The following TOLLIP variants were observed in gnomAD, a reference collection of about 807,000 sequenced individuals.
TOLLIP encodes the protein toll interacting protein.
A neutral mutation model predicts 33.5 loss-of-function variants in TOLLIP; 16 were observed. That is an observed-to-expected ratio of 0.48 (90% confidence interval 0.32 to 0.72). The LOEUF is 0.72. Among genes scored for constraint, TOLLIP ranks in the 30% least tolerant of loss-of-function variants. The probability of loss-of-function intolerance (pLI) is 0.03; values close to 1 mark genes in which losing one functional copy is unlikely to be tolerated. For missense variants in TOLLIP, 325 were observed against 396.6 expected, an observed-to-expected ratio of 0.82 and a Z score of 1.53; for synonymous variants, 176 against 163.7, an observed-to-expected ratio of 1.07 and a Z score of -0.57.
At chr11:1,283,401 G>T (rs1457930609) in intron 5 of TOLLIP, 1 of 373,230 alleles carries the variant, frequency 2.7e-6, no homozygotes, top group African/African-American at 2.1e-5. Flanking sequence ...GCCCCAACGC[G>T]TCAGTGTCAG....
chr11:1,302,085 G>A (rs1392536135), intron 1 of TOLLIP, among the ~76,000 whole-genome samples: 2 of 152,238 alleles, frequency 1.3e-5, no homozygotes, highest in East Asian at 3.8e-4. Flanking sequence ...CCTGCAAGGG[G>A]CCTGCTCCAG....
chr11:1,292,263 T>A (rs1263356189), intron 2 of TOLLIP: 1 of 152,234 alleles, frequency 6.6e-6, no homozygotes, highest in Non-Finnish European at 1.5e-5. Context: ...CTGGAGAGTA[T>A]GTAGCAGGAA....
At chr11:1,295,515 T>G (rs1265277965) in intron 2 of TOLLIP, 130 bp downstream of exon 2, 6 of 1,201,094 alleles carry the variant, frequency 5.0e-6, no homozygotes, top group Admixed American at 2.3e-5. Context: ...TCACACAGGT[T>G]TCAGGAAAAG....
chr11:1,299,827 C>T (rs2133925146), intron 1 of TOLLIP, among the ~76,000 whole-genome samples: 1 of 152,358 alleles, frequency 6.6e-6, no homozygotes. Flanking sequence ...GTCAAAACGC[C>T]CCGTCCACCA....
chr11:1,288,541 C>T (rs1351831565), intron 4 of TOLLIP, 83 bp downstream of exon 4: 97 of 1,476,596 alleles, frequency 6.6e-5, no homozygotes, highest in Non-Finnish European at 8.5e-5. Flanking sequence ...AGGAAAGAGA[C>T]AAGGGTGTCT....
In TOLLIP at chr11:1,293,742, T is replaced by C. The variant is rs565136476; in HGVS notation, c.183+1903A>G. 2.0e-5 allele frequency among the ~76,000 whole-genome samples: 3 copies of C among 152,356 alleles called. No individual in the cohort carries two copies. The South Asian group carries it at 6.2e-4, about 32-fold the overall frequency. ...TCCAAGGCCCAGCCAGCTCTGGAGC[T>C]TGAACTGTGTGAGGTGGAGTGCCCT... On this transcript the variant is annotated intron_variant, in intron 2 of 5. Coordinates refer to ENST00000317204, the MANE Select transcript of TOLLIP (RefSeq NM_019009.4).
chr11:1,295,613 C>G, intron 2 of TOLLIP, 32 bp downstream of exon 2: 1 of 1,508,080 alleles, frequency 6.6e-7, no homozygotes, highest in Non-Finnish European at 8.9e-7. Context: ...CGCACCAGCC[C>G]CAGGCAGGCA....
chr11:1,302,203 T>C (rs1864300110), intron 1 of TOLLIP, among the ~76,000 whole-genome samples: 1 of 152,210 alleles, frequency 6.6e-6, no homozygotes, highest in African/African-American at 2.4e-5. Context: ...ACCTGTGTGA[T>C]TCACATCCAG....
chr11:1,287,212 G>A (rs1418783259), intron 4 of TOLLIP, among the ~76,000 whole-genome samples: 2 of 152,226 alleles, frequency 1.3e-5, no homozygotes, highest in Admixed American at 6.5e-5. Context: ...ACTGTCAACT[G>A]CAGGTAAAAT....
At chr11:1,308,490 T>C (rs1452176870) in intron 1 of TOLLIP, among the ~76,000 whole-genome samples, 2 of 152,306 alleles carry the variant, frequency 1.3e-5, no homozygotes, top group Non-Finnish European at 1.5e-5. Context: ...TTACCCAGTC[T>C]CGGTATTCCT....
intron 4 of TOLLIP, among the ~76,000 whole-genome samples, chr11:1,287,014 GCGGA>G (rs1863728680): frequency 6.6e-6 from 1 of 152,116 alleles, no homozygotes; most frequent in Non-Finnish European, 1.5e-5. Flanking sequence ...ACTGTCAGCT[GCGGA>G]TAAGTCACTG....
chr11:1,293,401 G>A lies in TOLLIP; in HGVS notation c.183+2244C>T, dbSNP rs571543481. ...ACAGGGATGCAGAAGTCACCGGGAT[G>A]TGTGGGCAGAGAGGGGAGGAGGGCT... On this transcript the variant is annotated intron_variant, in intron 2 of 5. Coordinates refer to ENST00000317204, the MANE Select transcript of TOLLIP (RefSeq NM_019009.4). 2.9e-3 allele frequency among the ~76,000 whole-genome samples: 440 copies of A among 152,342 alleles called. 6 individuals carry two copies. The highest frequency in any genetic ancestry group is 6.8e-4 in the Non-Finnish European group (46 of 68,030).
At chr11:1,279,794 C>T (rs1053653797) in intron 5 of TOLLIP, among the ~76,000 whole-genome samples, 3 of 152,220 alleles carry the variant, frequency 2.0e-5, no homozygotes, top group Non-Finnish European at 2.9e-5. Flanking sequence ...AAAATTGCTC[C>T]GAGAAGGCCC....
intron 1 of TOLLIP, among the ~76,000 whole-genome samples, chr11:1,298,895 C>T (rs545359244): frequency 7.9e-5 from 12 of 152,344 alleles, no homozygotes; most frequent in African/African-American, 2.9e-4. Flanking sequence ...GTCCTCAAAC[C>T]GTCAAGGTCC....
At chr11:1,285,149 C>T (rs903725407) in intron 5 of TOLLIP, among the ~76,000 whole-genome samples, 5 of 152,194 alleles carry the variant, frequency 3.3e-5, no homozygotes, top group African/African-American at 1.2e-4. Flanking sequence ...CCCCTAACAC[C>T]ACCTCCCCCA....
rs1025825040 is a variant in TOLLIP at position 1,278,184 on chromosome 11, C to A, written c.611-931G>T. Among the ~76,000 whole-genome samples, 1 of 151,382 alleles carries A rather than the reference C, an allele frequency of 6.6e-6. No individual in the cohort carries two copies. The highest frequency in any genetic ancestry group is 1.5e-5 in the Non-Finnish European group (1 of 68,006). Reference sequence around the variant, plus strand: ...AGCAGCCCTGAGCACAGGCAGCGTGCGCGGGGCTCAGCGACCAGTGAGGCA... The same window carrying A: ...AGCAGCCCTGAGCACAGGCAGCGTGAGCGGGGCTCAGCGACCAGTGAGGCA... On this transcript the variant is annotated intron_variant, in intron 5 of 5. Coordinates refer to ENST00000317204, the MANE Select transcript of TOLLIP (RefSeq NM_019009.4). This position sits in a 1 kb window ranked among gnomAD's most constrained non-coding sequence, Gnocchi z 4.7.
rs1159845786 is a variant in TOLLIP at position 1,275,836 on chromosome 11, C to T, written c.*1203G>A. The T allele has an allele frequency of 6.6e-6, 1 of 152,134 alleles. No homozygotes were observed. The highest frequency in any genetic ancestry group is 6.5e-5 in the Admixed American group (1 of 15,270). The allele number at this position is 152,134 out of a possible 1,614,324, so 9.4% of individuals were successfully genotyped here. A position where few individuals can be genotyped will look rare whatever the true frequency, so the allele number is the denominator to read the frequency against. Reference sequence around the variant, plus strand: ...CACTTGTGGGCATTCTCTTTCTGTCCGTTATCAGTGGGTTTACATCCGAAG... The same window carrying T: ...CACTTGTGGGCATTCTCTTTCTGTCTGTTATCAGTGGGTTTACATCCGAAG... On this transcript the variant is annotated 3_prime_UTR_variant, in exon 6 of 6. Transcript: ENST00000317204.
intron 2 of TOLLIP, 31 bp downstream of exon 2, chr11:1,295,614 C>T: frequency 1.3e-6 from 2 of 1,508,350 alleles, no homozygotes; most frequent in South Asian, 1.3e-5. Context: ...GCACCAGCCC[C>T]AGGCAGGCAG....
Position 1,276,719 on chromosome 11 carries a change from T to C in TOLLIP, c.*320A>G. On this transcript the variant is annotated 3_prime_UTR_variant, in exon 6 of 6. Transcript: ENST00000317204. ...AGGCGCTCCACCACCTCCAACACCCTGGCAGAAGCAGCTGCTCTCTACAGC... is the reference window on the plus strand; with the variant it reads ...AGGCGCTCCACCACCTCCAACACCCCGGCAGAAGCAGCTGCTCTCTACAGC... 7.0e-7 allele frequency: 1 copy of C among 1,437,694 alleles called. No homozygotes were observed. The highest frequency in any genetic ancestry group is 9.2e-7 in the Non-Finnish European group (1 of 1,083,894). The allele number at this position is 1,437,694 out of a possible 1,614,324, so 89.1% of individuals were successfully genotyped here. A position where few individuals can be genotyped will look rare whatever the true frequency, so the allele number is the denominator to read the frequency against.
Sources: gnomAD v4.1 joint callset for allele counts (sites outside exome capture counted in the v4.1 genomes callset) on GRCh38, gnomAD v4.1.1 for gene constraint, Gnocchi (gnomAD v3.1) non-coding constraint, MANE v1.5 for transcripts, NCBI Gene and HGNC (gene_info 2026-07-23, HGNC 2026-07-21) for gene names.